Variants in ELAVL2 observed in about 807,000 individuals in gnomAD.
The protein encoded by ELAVL2 is ELAV-like protein 2.
In ELAVL2, 4 loss-of-function variants were observed where a neutral mutation model predicts 34.6. The ratio of observed to expected loss-of-function variants is 0.12; its 90% CI spans 0.06 to 0.26. The LOEUF is 0.26. Ranked by LOEUF, ELAVL2 falls within the 10% of genes least tolerant of loss-of-function variation. The pLI is 1.00. For missense variants in ELAVL2, 432 were observed against 442.8 expected, an observed-to-expected ratio of 0.98 and a Z score of 0.22; for synonymous variants, 193 against 154.8, an observed-to-expected ratio of 1.25 and a Z score of -1.83.
At chr9:23,761,427 C>G (rs976105525) in intron 2 of ELAVL2, among the ~76,000 whole-genome samples, 1 of 151,934 alleles carries the variant, frequency 6.6e-6, no homozygotes, top group Non-Finnish European at 1.5e-5. Flanking sequence ...TCAAAATGTA[C>G]TATAATTAAG....
chr9:23,807,297 A>T (rs901142831), intron 1 of ELAVL2, among the ~76,000 whole-genome samples: 1 of 152,160 alleles, frequency 6.6e-6, no homozygotes, highest in African/African-American at 2.4e-5. Flanking sequence ...GTGAATGAGG[A>T]AACTAGCCAG....
intron 2 of ELAVL2, among the ~76,000 whole-genome samples, chr9:23,745,924 T>C (rs144464415): frequency 1.4e-4 from 21 of 152,314 alleles, no homozygotes; most frequent in South Asian, 8.3e-4. Flanking sequence ...CTACTGCTAG[T>C]AGTCATCTCA....
At chr9:23,827,955 C>T (rs1343868030), upstream of ELAVL2, among the ~76,000 whole-genome samples, 2 of 152,074 alleles carry the variant, frequency 1.3e-5, no homozygotes, top group Non-Finnish European at 2.9e-5. Flanking sequence ...AAAATCATGC[C>T]TTAACCTCCA....
At chr9:23,758,398 AT>A (rs1439680125) in intron 2 of ELAVL2, among the ~76,000 whole-genome samples, 9 of 152,230 alleles carry the variant, frequency 5.9e-5, no homozygotes, top group Admixed American at 2.0e-4. Flanking sequence ...AGAAAAAAAA[AT>A]ATCCTAAAGC....
At chr9:23,742,668 C>A (rs2049533034) in intron 2 of ELAVL2, among the ~76,000 whole-genome samples, 1 of 151,858 alleles carries the variant, frequency 6.6e-6, no homozygotes, top group East Asian at 1.9e-4. Context: ...AAAGAAAGAG[C>A]AGAATTAAAT....
chr9:23,731,152 A>G (rs776641901), intron 2 of ELAVL2, 27 bp from the exon 3 acceptor site: 2 of 1,600,388 alleles, frequency 1.2e-6, no homozygotes, highest in Non-Finnish European at 1.7e-6. Flanking sequence ...GGAAAAAGGC[A>G]TATATTAGTT....
intron 2 of ELAVL2, among the ~76,000 whole-genome samples, chr9:23,747,002 C>T (rs2050666893): frequency 6.6e-6 from 1 of 152,020 alleles, no homozygotes; most frequent in African/African-American, 2.4e-5. Context: ...TGACAATTCC[C>T]TCCTTCTCTA....
chr9:23,850,495 T>C, the ELAVL2 span, among the ~76,000 whole-genome samples: 1 of 152,014 alleles, frequency 6.6e-6, no homozygotes, highest in Non-Finnish European at 1.5e-5. Context: ...TCCTGCCTCT[T>C]TCGAGCTGCA....
At chr9:23,779,879 A>C (rs1171966812) in intron 1 of ELAVL2, among the ~76,000 whole-genome samples, 1 of 151,712 alleles carries the variant, frequency 6.6e-6, no homozygotes, top group Non-Finnish European at 1.5e-5. Context: ...GGGCACATTA[A>C]ATTATTCCTT....
At chr9:23,702,619 A>G (rs898678682) in intron 4 of ELAVL2, among the ~76,000 whole-genome samples, 1 of 151,992 alleles carries the variant, frequency 6.6e-6, no homozygotes, top group African/African-American at 2.4e-5. Context: ...TACTTGCTTT[A>G]AAATTAATAC....
At chr9:23,827,025 A>G (rs1447087142), upstream of ELAVL2, among the ~76,000 whole-genome samples, 1 of 152,216 alleles carries the variant, frequency 6.6e-6, no homozygotes, top group Non-Finnish European at 1.5e-5. Flanking sequence ...TTCATGTTAG[A>G]ATAGAAAAGT....
chr9:23,815,649 T>C (rs2063603073), intron 1 of ELAVL2, among the ~76,000 whole-genome samples: 1 of 152,122 alleles, frequency 6.6e-6, no homozygotes, highest in Admixed American at 6.5e-5. Flanking sequence ...GAGGGTAAGA[T>C]TTTATACACA....
intron 1 of ELAVL2, among the ~76,000 whole-genome samples, chr9:23,804,733 A>G (rs938947886): frequency 3.0e-4 from 46 of 152,164 alleles, no homozygotes; most frequent in African/African-American, 9.4e-4. Context: ...ACATTTTTAA[A>G]AAGGAAATAA....
intron 2 of ELAVL2, among the ~76,000 whole-genome samples, chr9:23,753,334 A>T (rs1446313799): frequency 3.9e-5 from 6 of 152,140 alleles, no homozygotes; most frequent in African/African-American, 1.4e-4. Flanking sequence ...AGCTCCAATA[A>T]TCAACTATTC....
At chr9:23,732,788 C>A (rs980554374) in intron 2 of ELAVL2, among the ~76,000 whole-genome samples, 1 of 152,144 alleles carries the variant, frequency 6.6e-6, no homozygotes, top group African/African-American at 2.4e-5. Context: ...CCTCTCTGAA[C>A]CACAGCTTCC....
intron 2 of ELAVL2, among the ~76,000 whole-genome samples, chr9:23,760,548 G>T (rs983403645): frequency 1.3e-5 from 2 of 151,966 alleles, no homozygotes; most frequent in South Asian, 2.1e-4. Flanking sequence ...CGACAGAGAC[G>T]TAAGAGCAGC....
chr9:23,792,199 G>T (rs990156722), intron 1 of ELAVL2, among the ~76,000 whole-genome samples: 1 of 152,210 alleles, frequency 6.6e-6, no homozygotes, highest in Non-Finnish European at 1.5e-5. Context: ...GCTAATGCAA[G>T]TGTTCTAAGC....
At chr9:23,786,781 C>CAAAA (rs57292061) in intron 1 of ELAVL2, among the ~76,000 whole-genome samples, 5 of 108,116 alleles carry the variant, frequency 4.6e-5, no homozygotes, top group Admixed American at 9.4e-5. Context: ...ATTTTAGTGG[C>CAAAA]AAAAAAAAAA....
intron 3 of ELAVL2, among the ~76,000 whole-genome samples, chr9:23,718,852 A>G (rs2042958029): frequency 6.6e-6 from 1 of 152,212 alleles, no homozygotes; most frequent in Non-Finnish European, 1.5e-5. Context: ...TTGCAAGACT[A>G]ATAGTCTCAT....
Sources: gnomAD v4.1 joint callset for allele counts (sites outside exome capture counted in the v4.1 genomes callset) on GRCh38, gnomAD v4.1.1 for gene constraint, MANE v1.5 for transcripts, NCBI Gene and HGNC (gene_info 2026-07-23, HGNC 2026-07-21) for gene names.